STAG1: variants seen among roughly 807,000 people sequenced by gnomAD.
The protein encoded by STAG1 is cohesin subunit SA-1.
A neutral mutation model predicts 170.9 loss-of-function variants in STAG1; 26 were observed. That is an observed-to-expected ratio of 0.15 (90% confidence interval 0.11 to 0.21). STAG1 has a LOEUF of 0.21. Among genes scored for constraint, STAG1 ranks in the 10% least tolerant of loss-of-function variants. STAG1 has a pLI of 1.00. For synonymous variants in STAG1, 514 were observed against 497.7 expected (o/e 1.03, Z -0.44); for missense variants, 964 against 1,509.5 (o/e 0.64, Z 5.99).
chr3:136,681,584 A>C (rs945385618), intron 1 of STAG1, among the ~76,000 whole-genome samples: 6 of 152,212 alleles, frequency 3.9e-5, no homozygotes, highest in Non-Finnish European at 7.3e-5. Context: ...TACAGCAAAA[A>C]TTGGCATTAC....
At chr3:136,605,882 T>TTA (rs990471846) in intron 3 of STAG1, among the ~76,000 whole-genome samples, 95 of 152,342 alleles carry the variant, frequency 6.2e-4, no homozygotes, top group African/African-American at 2.2e-3. Flanking sequence ...CTTTTCCTTA[T>TTA]TATAGTACCT....
At chr3:136,417,794 A>G (rs1295085263) in intron 21 of STAG1, 91 bp downstream of exon 21, 7 of 931,616 alleles carry the variant, frequency 7.5e-6, no homozygotes. Context: ...TGAATCGTCA[A>G]TTACTTTCTA....
chr3:136,487,371 G>T (rs1384166290), intron 9 of STAG1, among the ~76,000 whole-genome samples: 4 of 152,106 alleles, frequency 2.6e-5, no homozygotes, highest in African/African-American at 9.7e-5. Flanking sequence ...GCTTTATCTA[G>T]TCTATCACTG....
intron 23 of STAG1, among the ~76,000 whole-genome samples, chr3:136,375,132 A>G (rs1296682177): frequency 6.6e-6 from 1 of 152,184 alleles, no homozygotes; most frequent in African/African-American, 2.4e-5. Flanking sequence ...GAAATTGCCT[A>G]ACAACACATT....
chr3:136,703,580 T>C (rs1943140383), intron 1 of STAG1, among the ~76,000 whole-genome samples: 1 of 152,180 alleles, frequency 6.6e-6, no homozygotes, highest in Non-Finnish European at 1.5e-5. Flanking sequence ...CACTCAAGGA[T>C]CTGACAGGTC....
chr3:136,552,207 TACA>T (rs1936434480), intron 5 of STAG1, among the ~76,000 whole-genome samples: 1 of 152,132 alleles, frequency 6.6e-6, no homozygotes, highest in Admixed American at 6.6e-5. Context: ...GAAATTACAT[TACA>T]ACAATATACA....
At chr3:136,357,665 A>G in intron 28 of STAG1, 55 bp downstream of exon 28, 1 of 1,433,292 alleles carries the variant, frequency 7.0e-7, no homozygotes, top group South Asian at 1.4e-5. Flanking sequence ...TCAAAAAATA[A>G]ACATTTACAA....
chr3:136,608,181 T>C (rs1053096398), intron 3 of STAG1, among the ~76,000 whole-genome samples: 1 of 151,052 alleles, frequency 6.6e-6, no homozygotes, highest in Admixed American at 6.6e-5. Flanking sequence ...CGCTTGAACC[T>C]AGGAGGCAGA....
intron 21 of STAG1, among the ~76,000 whole-genome samples, chr3:136,416,079 C>T (rs1278850355): frequency 6.6e-6 from 1 of 151,940 alleles, no homozygotes; most frequent in Non-Finnish European, 1.5e-5. Flanking sequence ...ACAATCTCTG[C>T]TCACTGCAAC....
intron 21 of STAG1, among the ~76,000 whole-genome samples, chr3:136,414,089 T>C (rs779460057): frequency 3.9e-5 from 6 of 152,242 alleles, no homozygotes; most frequent in African/African-American, 1.4e-4. Context: ...GTGGAGGGTC[T>C]TGCTTGAAAT....
intron 16 of STAG1, 29 bp downstream of exon 16, chr3:136,433,527 T>A: frequency 6.5e-7 from 1 of 1,535,436 alleles, no homozygotes; most frequent in South Asian, 1.2e-5. Context: ...TAAAAACCTT[T>A]TAGGAGATTT....
intron 30 of STAG1, among the ~76,000 whole-genome samples, chr3:136,342,626 C>T (rs187556059): frequency 2.6e-5 from 4 of 152,372 alleles, no homozygotes; most frequent in South Asian, 2.1e-4. Flanking sequence ...GGATCACAGG[C>T]GTGTGCCACC....
rs77240980 is a variant in STAG1 at position 136,502,814 on chromosome 3, T to A, written c.677-35A>T. ...GAAGAAATATTATAATACCTATGAA[T>A]CAAAACTTTATCCATATAAGATTAC... On this transcript the variant is annotated intron_variant, in intron 7 of 33. Transcript: ENST00000383202. 9,923 of 1,484,778 alleles carry A rather than the reference T, an allele frequency of 6.7e-3. 337 individuals are homozygous for A. Among genetic ancestry groups the A allele is most frequent in the East Asian group, 0.066 (2,711 of 41,076 alleles). 92.0% of individuals were successfully genotyped at this position (1,484,778 alleles called of 1,614,324 possible). A position where few individuals can be genotyped will look rare whatever the true frequency, so the allele number is the denominator to read the frequency against.
At chr3:136,676,701 A>G (rs1371411705) in intron 1 of STAG1, among the ~76,000 whole-genome samples, 1 of 152,000 alleles carries the variant, frequency 6.6e-6, no homozygotes, top group Non-Finnish European at 1.5e-5. Flanking sequence ...TTTCCGAACT[A>G]AGCCTCCCAA....
At chr3:136,417,993 T>A (rs1284957459) in intron 20 of STAG1, 21 bp from the exon 21 acceptor site, 1 of 1,542,130 alleles carries the variant, frequency 6.5e-7, no homozygotes, top group African/African-American at 1.4e-5. Flanking sequence ...CAAAAATGCA[T>A]CTGTTTTATT....
At chr3:136,651,805 T>C (rs1417195119) in intron 1 of STAG1, among the ~76,000 whole-genome samples, 1 of 151,994 alleles carries the variant, frequency 6.6e-6, no homozygotes, top group Non-Finnish European at 1.5e-5. Context: ...GTGCCATATC[T>C]CCAACGGACC....
At chr3:136,634,477 A>G (rs1940470526) in intron 1 of STAG1, among the ~76,000 whole-genome samples, 1 of 152,132 alleles carries the variant, frequency 6.6e-6, no homozygotes, top group Non-Finnish European at 1.5e-5. Context: ...CAGAATCTCA[A>G]AATTTTTTTT....
At chr3:136,735,881 G>A (rs753931566) in intron 1 of STAG1, among the ~76,000 whole-genome samples, 10 of 152,180 alleles carry the variant, frequency 6.6e-5, no homozygotes, top group African/African-American at 9.7e-5. Context: ...GGTGGAGGAC[G>A]GCTAGCTCTT....
chr3:136,667,983 G>GT, intron 1 of STAG1, among the ~76,000 whole-genome samples: 1 of 151,808 alleles, frequency 6.6e-6, no homozygotes, highest in Admixed American at 6.6e-5. Flanking sequence ...AGGCCAGGAG[G>GT]TAAGACCATC....
Sources: gnomAD v4.1 joint callset for allele counts (sites outside exome capture counted in the v4.1 genomes callset) on GRCh38, gnomAD v4.1.1 for gene constraint, MANE v1.5 for transcripts, NCBI Gene and HGNC (gene_info 2026-07-23, HGNC 2026-07-21) for gene names.